ADGRL2: variants seen among roughly 807,000 people sequenced by gnomAD.
ADGRL2 encodes the protein calcium-independent alpha-latrotoxin receptor 2.
Under a neutral mutation model 157.4 loss-of-function variants are expected in ADGRL2, and 44 were observed. That is an observed-to-expected ratio of 0.28 (90% confidence interval 0.22 to 0.36). The LOEUF is 0.36. Ranked by LOEUF, ADGRL2 falls within the 10% of genes least tolerant of loss-of-function variation. The probability of loss-of-function intolerance (pLI) is 1.00; values close to 1 mark genes in which losing one functional copy is unlikely to be tolerated. For missense variants in ADGRL2, 1,510 were observed against 1,768.9 expected, an observed-to-expected ratio of 0.85 and a Z score of 2.63; for synonymous variants, 585 against 624.7, an observed-to-expected ratio of 0.94 and a Z score of 0.95.
rs76106834 is a variant in ADGRL2 at position 81,793,353 on chromosome 1, T to C, written c.-101+31501T>C. On this transcript the variant is annotated intron_variant, in intron 2 of 20. Coordinates refer to the ADGRL2 transcript ENST00000359929. ...AATTTTGTTTAAAGTATTTCAGTAC[T>C]TACAAAAACCAGATCAGGTTATTGT... 8.2e-4 allele frequency among the ~76,000 whole-genome samples: 125 copies of C among 152,248 alleles called. 3 individuals carry two copies. The East Asian group carries it at 0.023, about 27-fold the overall frequency.
chr1:81,587,668 G>A (rs1351509752), intron 3 of ADGRL2, among the ~76,000 whole-genome samples: 1 of 152,130 alleles, frequency 6.6e-6, no homozygotes, highest in Non-Finnish European at 1.5e-5. Context: ...TCACCAAAAT[G>A]TTTAAGCAGG....
At chr1:81,890,610 A>G (rs1469860125) in intron 2 of ADGRL2, among the ~76,000 whole-genome samples, 1 of 152,142 alleles carries the variant, frequency 6.6e-6, no homozygotes, top group Non-Finnish European at 1.5e-5. Flanking sequence ...TATGCAATAT[A>G]TAGGAATATT....
chr1:81,310,293 A>C (rs538912259), intron 1 of ADGRL2, among the ~76,000 whole-genome samples: 1 of 152,162 alleles, frequency 6.6e-6, no homozygotes, highest in Non-Finnish European at 1.5e-5. Flanking sequence ...TCTATTTGGG[A>C]TAGCCTTTGA....
chr1:81,663,358 C>T (rs1167396099), intron 3 of ADGRL2, among the ~76,000 whole-genome samples: 1 of 152,162 alleles, frequency 6.6e-6, no homozygotes, highest in African/African-American at 2.4e-5. Flanking sequence ...TCACCTCCCA[C>T]CTCCCGGATC....
At chr1:81,459,210 T>C (rs904942431) in intron 2 of ADGRL2, among the ~76,000 whole-genome samples, 1 of 152,170 alleles carries the variant, frequency 6.6e-6, no homozygotes, top group African/African-American at 2.4e-5. Flanking sequence ...TATCCAGAAC[T>C]GGCAGCTCAG....
intron 1 of ADGRL2, among the ~76,000 whole-genome samples, chr1:81,416,912 A>T (rs537287967): frequency 4.6e-5 from 7 of 152,304 alleles, no homozygotes; most frequent in African/African-American, 1.7e-4. Context: ...TTATCTTAGA[A>T]TTGGGCTCAG....
At chr1:81,485,426 ATAT>A (rs2078479730) in intron 2 of ADGRL2, among the ~76,000 whole-genome samples, 1 of 152,148 alleles carries the variant, frequency 6.6e-6, no homozygotes, top group African/African-American at 2.4e-5. Flanking sequence ...TTTCTGTCAC[ATAT>A]TATAATTGTA....
At position 81,687,053 on chromosome 1, in the gene ADGRL2, A is replaced by G. The variant is rs1049246374; in HGVS notation, c.-142-74758A>G. On this transcript the variant is annotated intron_variant, in intron 3 of 24. Transcript: ENST00000370721. Reference sequence around the variant, plus strand: ...ATTGAGGCTCATTTTATGGCCTATCATATGGTCTATCTTGGAGAAAGTTCC... The same window carrying G: ...ATTGAGGCTCATTTTATGGCCTATCGTATGGTCTATCTTGGAGAAAGTTCC... Among the ~76,000 whole-genome samples, 4 of 152,190 alleles carry G rather than the reference A, an allele frequency of 2.6e-5. No homozygotes were observed. In the East Asian group the frequency reaches 7.7e-4, roughly 29 times the overall value.
chr1:81,311,330 T>C (rs974860775), intron 1 of ADGRL2, among the ~76,000 whole-genome samples: 7 of 152,182 alleles, frequency 4.6e-5, no homozygotes, highest in East Asian at 1.9e-4. Flanking sequence ...CTTTCTGTAA[T>C]TGAGACCTCT....
intron 1 of ADGRL2, among the ~76,000 whole-genome samples, chr1:81,813,791 T>C (rs1380724932): frequency 2.0e-5 from 3 of 151,648 alleles, no homozygotes; most frequent in Non-Finnish European, 4.4e-5. Context: ...TCTGATGTTA[T>C]AGTTCATTAC....
At chr1:81,824,546 A>T (rs2091286873) in intron 1 of ADGRL2, among the ~76,000 whole-genome samples, 1 of 152,106 alleles carries the variant, frequency 6.6e-6, no homozygotes, top group South Asian at 2.1e-4. Flanking sequence ...AATTGCTGGG[A>T]TTTACAGGCA....
At chr1:81,592,054 T>C (rs980660123) in intron 3 of ADGRL2, among the ~76,000 whole-genome samples, 1 of 152,222 alleles carries the variant, frequency 6.6e-6, no homozygotes, top group Non-Finnish European at 1.5e-5. Context: ...GCAATAGATA[T>C]CTAATACAGC....
chr1:81,466,130 A>G (rs998323019), intron 2 of ADGRL2, among the ~76,000 whole-genome samples: 2 of 152,202 alleles, frequency 1.3e-5, no homozygotes, highest in African/African-American at 2.4e-5. Flanking sequence ...GAAGACCATT[A>G]TGGCTGCTTT....
intron 3 of ADGRL2, among the ~76,000 whole-genome samples, chr1:81,605,849 C>T (rs1412330813): frequency 6.6e-6 from 1 of 152,102 alleles, no homozygotes; most frequent in Non-Finnish European, 1.5e-5. Context: ...CATTTGAGAC[C>T]TTATACATAT....
At chr1:81,837,284 A>G (rs2092331089) in intron 2 of ADGRL2, among the ~76,000 whole-genome samples, 1 of 152,064 alleles carries the variant, frequency 6.6e-6, no homozygotes, top group African/African-American at 2.4e-5. Context: ...CATTTATGAA[A>G]TATAACCATT....
chr1:81,422,371 A>G (rs1041907076), intron 1 of ADGRL2, among the ~76,000 whole-genome samples: 1 of 152,146 alleles, frequency 6.6e-6, no homozygotes, highest in Non-Finnish European at 1.5e-5. Flanking sequence ...TAGCCTCCCA[A>G]GGAGCTGGGA....
chr1:81,445,443 G>T (rs532734554), intron 2 of ADGRL2, among the ~76,000 whole-genome samples: 17 of 87,282 alleles, frequency 1.9e-4, no homozygotes, highest in African/African-American at 5.2e-4. Context: ...ATCAGTTAAA[G>T]TTGCTATTTT....
chr1:81,907,052 A>G lies in ADGRL2; in HGVS notation c.109A>G (p.Arg37Gly). The change falls in exon 3 of 24, where the codon AGG becomes GGG. Residue 37 changes from arginine to glycine, a missense_variant. By Grantham distance (125) the Arg-to-Gly change is moderately radical (BLOSUM62 -2). Around this residue, in one of 4 missense-constraint regions of ADGRL2, gnomAD observed 361 missense variants for 498.4 expected, o/e 0.72. Coordinates refer to ENST00000686636, the MANE Select transcript of ADGRL2 (RefSeq NM_001366006.2). ...SRAALPFGLV[R>G]RELSCEGYSI... ...AGCAGCTTTACCATTTGGGCTGGTG[A>G]GGCGAGAATTATCCTGTGAAGGTTA... 2.5e-6 allele frequency: 4 copies of G among 1,614,002 alleles called. No homozygotes were observed. The highest frequency in any genetic ancestry group is 3.4e-6 in the Non-Finnish European group (4 of 1,179,976).
intron 2 of ADGRL2, among the ~76,000 whole-genome samples, chr1:81,893,090 T>C (rs1269930323): frequency 6.6e-6 from 1 of 152,160 alleles, no homozygotes; most frequent in Non-Finnish European, 1.5e-5. Flanking sequence ...GGTTCTTTCA[T>C]GTGTTCATTG....
Sources: allele counts gnomAD v4.1 joint callset (sites outside exome capture counted in the v4.1 genomes callset), GRCh38; gene constraint gnomAD v4.1.1; regional missense constraint gnomAD v4.1.1; transcripts MANE v1.5; gene names NCBI Gene and HGNC (gene_info 2026-07-23, HGNC 2026-07-21).